The following MTHFD1L variants were observed in gnomAD, a reference collection of about 807,000 sequenced individuals.
The protein encoded by MTHFD1L is methylenetetrahydrofolate dehydrogenase (NADP+ dependent) 1 like, also known as monofunctional C1-tetrahydrofolate synthase, mitochondrial.
A neutral mutation model predicts 119.5 loss-of-function variants in MTHFD1L; 81 were observed. The ratio of observed to expected loss-of-function variants is 0.68; its 90% CI spans 0.57 to 0.82. The LOEUF (loss-of-function observed/expected upper bound fraction) is 0.82, where lower values mean the gene tolerates loss of function less well. Among genes scored for constraint, MTHFD1L ranks in the 40% least tolerant of loss-of-function variants. MTHFD1L has a pLI of 0.00. For missense variants in MTHFD1L, 1,125 were observed against 1,253.4 expected, an observed-to-expected ratio of 0.90 and a Z score of 1.55; for synonymous variants, 430 against 475.2, an observed-to-expected ratio of 0.90 and a Z score of 1.24.
chr6:151,024,303 G>A (rs933806213), intron 24 of MTHFD1L, among the ~76,000 whole-genome samples: 13 of 152,074 alleles, frequency 8.5e-5, no homozygotes, highest in Admixed American at 6.5e-4. Context: ...ACTTAGGGAG[G>A]CCAAGGTAGG....
At position 150,917,493 on chromosome 6, in the gene MTHFD1L, A is replaced by G. The variant is rs1246372461; in HGVS notation, c.893-1084A>G. Reference sequence around the variant, plus strand: ...TGACAGAGAGAGACTCTATCTCAAAAATAAAAAAAAAAAATTTTTTTAGAT... The same window carrying G: ...TGACAGAGAGAGACTCTATCTCAAAGATAAAAAAAAAAAATTTTTTTAGAT... On this transcript the variant is annotated intron_variant, in intron 8 of 27. Transcript: ENST00000367321. Among the ~76,000 whole-genome samples, 5 of 150,840 alleles carry G rather than the reference A, an allele frequency of 3.3e-5. No homozygotes were observed. In the South Asian group the frequency reaches 8.5e-4, roughly 26 times the overall value.
chr6:151,041,657 A>G (rs1165779291), intron 26 of MTHFD1L: 9 of 381,866 alleles, frequency 2.4e-5, no homozygotes, highest in Non-Finnish European at 4.8e-5. Context: ...AGCTATGAGA[A>G]AGATTCAGTC....
In MTHFD1L at chr6:150,871,658, C is replaced by T. The variant is rs368651923; in HGVS notation, c.228-4432C>T. Among the ~76,000 whole-genome samples the T allele has an allele frequency of 6.7e-4, 101 of 150,926 alleles. 5 individuals carry two copies. The South Asian group carries it at 0.017, about 25-fold the overall frequency. ...CTGAGACTACAGGCGCCTGCCACCA[C>T]GCCTGGCTAATTTTTTTGTATTTTT... On this transcript the variant is annotated intron_variant, in intron 1 of 27. Coordinates refer to ENST00000367321, the MANE Select transcript of MTHFD1L (RefSeq NM_015440.5).
chr6:151,006,576 G>T (rs903087032), intron 20 of MTHFD1L, among the ~76,000 whole-genome samples: 1 of 152,122 alleles, frequency 6.6e-6, no homozygotes, highest in Non-Finnish European at 1.5e-5. Context: ...CTAGGTTTTT[G>T]AAGGGAATTT....
Position 151,078,468 on chromosome 6 carries a change from C to A in MTHFD1L, c.2848-13999C>A, listed in dbSNP as rs536078555. Among the ~76,000 whole-genome samples, 19 of 152,282 alleles carry A rather than the reference C, an allele frequency of 1.2e-4. No individual in the cohort carries two copies. The East Asian group carries it at 3.7e-3, about 29-fold the overall frequency. On this transcript the variant is annotated intron_variant, in intron 26 of 27. Transcript: ENST00000367321. ...TAAAACAGCTCACATGTATTATCTT[C>A]CATTTCTCTGGGTCAGCTTAGCTGG...
At chr6:150,900,029 T>A (rs1232130426) in intron 7 of MTHFD1L, among the ~76,000 whole-genome samples, 2 of 148,402 alleles carry the variant, frequency 1.3e-5, no homozygotes, top group African/African-American at 4.9e-5. Flanking sequence ...ATATTTATAT[T>A]TTTATATATA....
At chr6:151,027,078 C>A in intron 24 of MTHFD1L, among the ~76,000 whole-genome samples, 1 of 152,024 alleles carries the variant, frequency 6.6e-6, no homozygotes, top group East Asian at 1.9e-4. Flanking sequence ...ATCCGCCCAC[C>A]TTGGCCTCCC....
chr6:150,888,005 C>T (rs779171363), intron 7 of MTHFD1L, 24 bp downstream of exon 7: 1 of 1,583,516 alleles, frequency 6.3e-7, no homozygotes, highest in South Asian at 1.2e-5. Context: ...TAGAAACATA[C>T]ATCTTGAAGG....
At chr6:151,084,361 G>A (rs900809483) in intron 26 of MTHFD1L, among the ~76,000 whole-genome samples, 8 of 152,306 alleles carry the variant, frequency 5.3e-5, no homozygotes, top group East Asian at 1.9e-4. Context: ...CCTGGCACGC[G>A]TGTCTTCCGG....
chr6:150,923,739 A>T (rs993003092), intron 10 of MTHFD1L, among the ~76,000 whole-genome samples: 1 of 151,278 alleles, frequency 6.6e-6, no homozygotes, highest in Non-Finnish European at 1.5e-5. Context: ...AGTCAGATGA[A>T]CACCCTGGTT....
At chr6:150,888,623 C>T (rs1001652450) in intron 7 of MTHFD1L, among the ~76,000 whole-genome samples, 3 of 152,084 alleles carry the variant, frequency 2.0e-5, no homozygotes, top group Non-Finnish European at 4.4e-5. Context: ...CTTAAAGATA[C>T]TAATTGTCTG....
intron 26 of MTHFD1L, among the ~76,000 whole-genome samples, chr6:151,064,973 C>T (rs1274347969): frequency 6.6e-6 from 1 of 151,742 alleles, no homozygotes; most frequent in Non-Finnish European, 1.5e-5. Flanking sequence ...AGCTAATTTG[C>T]TTGTATTTTT....
chr6:150,987,918 A>G (rs1419794556), intron 20 of MTHFD1L, among the ~76,000 whole-genome samples: 1 of 152,228 alleles, frequency 6.6e-6, no homozygotes, highest in Non-Finnish European at 1.5e-5. Flanking sequence ...TAAATTTAAA[A>G]GGTAAAACGT....
chr6:150,887,921 C>A lies in MTHFD1L; in HGVS notation c.720C>A (p.Phe240Leu). ...GSLEAALQCLFQRKGSMTMSI... is the reference protein window; with the variant it reads ...GSLEAALQCLLQRKGSMTMSI... Reference sequence around the variant, plus strand: ...TGGAAGCTGCTCTACAATGCCTGTTCCAGAGAAAAGGGTCCATGACAATGA... The same window carrying A: ...TGGAAGCTGCTCTACAATGCCTGTTACAGAGAAAAGGGTCCATGACAATGA... The change falls in exon 7 of 28, where the codon TTC (phenylalanine) becomes TTA (leucine). Residue 240 changes from phenylalanine (F) to leucine (L), a missense_variant. Physicochemically the swap from Phe to Leu is conservative, Grantham distance 22. This residue lies in a region of MTHFD1L where 1,058 missense variants were observed against 1,151.2 expected (regional missense o/e 0.92). Coordinates refer to ENST00000367321, the MANE Select transcript of MTHFD1L (RefSeq NM_015440.5). 6.2e-7 allele frequency: 1 copy of A among 1,610,560 alleles called. No individual in the cohort carries two copies. The highest frequency in any genetic ancestry group is 8.5e-7 in the Non-Finnish European group (1 of 1,178,698).
chr6:150,880,306 T>C (rs1781199999), intron 4 of MTHFD1L, among the ~76,000 whole-genome samples: 1 of 152,194 alleles, frequency 6.6e-6, no homozygotes. Context: ...TATTCTCTAT[T>C]TCTATGAGAT....
At chr6:150,914,823 G>A (rs1366509418) in intron 8 of MTHFD1L, among the ~76,000 whole-genome samples, 1 of 152,230 alleles carries the variant, frequency 6.6e-6, no homozygotes, top group Non-Finnish European at 1.5e-5. Flanking sequence ...CCATGAAGAA[G>A]AAATGGCTCT....
At chr6:150,952,231 G>A (rs1384721894) in intron 16 of MTHFD1L, among the ~76,000 whole-genome samples, 2 of 152,146 alleles carry the variant, frequency 1.3e-5, no homozygotes, top group Non-Finnish European at 2.9e-5. Flanking sequence ...CAAGCTACCT[G>A]GGTCAGAGGA....
intron 11 of MTHFD1L, among the ~76,000 whole-genome samples, chr6:150,929,148 G>A (rs181433702): frequency 6.6e-6 from 1 of 152,304 alleles, no homozygotes; most frequent in African/African-American, 2.4e-5. Flanking sequence ...GATTGGCTCC[G>A]GGGTCTCTGA....
chr6:150,967,341 TC>T (rs1466163862), intron 19 of MTHFD1L, among the ~76,000 whole-genome samples: 6 of 151,864 alleles, frequency 4.0e-5, no homozygotes, highest in Non-Finnish European at 7.4e-5. Context: ...GCGTCTGGGG[TC>T]CCCCCCTCCC....
Sources: allele counts gnomAD v4.1 joint callset (sites outside exome capture counted in the v4.1 genomes callset), GRCh38; gene constraint gnomAD v4.1.1; regional missense constraint gnomAD v4.1.1; transcripts MANE v1.5; gene names NCBI Gene and HGNC (gene_info 2026-07-23, HGNC 2026-07-21).